Variants in TSHZ2 observed in about 807,000 individuals in gnomAD.
TSHZ2 encodes teashirt homolog 2.
TSHZ2 carries 21 observed loss-of-function variants against 74.4 expected under a neutral mutation model. That is an observed-to-expected ratio of 0.28 (90% CI 0.20 to 0.41). The LOEUF is 0.41. Among genes scored for constraint, TSHZ2 ranks in the 10% least tolerant of loss-of-function variants. The pLI, the probability that TSHZ2 is intolerant of heterozygous loss-of-function variation, is 1.00. For missense variants in TSHZ2, 1,244 were observed against 1,293.5 expected (o/e 0.96, Z 0.59); for synonymous variants, 540 against 515.3 (o/e 1.05, Z -0.65).
At position 53,384,752 on chromosome 20, in the gene TSHZ2, C is replaced by T. The variant is rs139394450; in HGVS notation, c.*9-102392C>T. Among the ~76,000 whole-genome samples the T allele has an allele frequency of 7.1e-3, 1,074 of 152,338 alleles. 11 individuals carry two copies. Among genetic ancestry groups the T allele is most frequent in the African/African-American group, 0.024 (998 of 41,570 alleles). The stretch of plus-strand genomic sequence containing the variant: ...TGGTACCTGCATTACTTAGTATCCT[C>T]AGTGGTTTTTTTAGACATCAATGGA... On this transcript the variant is annotated intron_variant, in intron 2 of 2. Coordinates refer to ENST00000371497, the MANE Select transcript of TSHZ2 (RefSeq NM_173485.6).
intron 2 of TSHZ2, among the ~76,000 whole-genome samples, chr20:53,283,848 A>G (rs576733753): frequency 3.3e-5 from 5 of 152,168 alleles, no homozygotes; most frequent in Non-Finnish European, 5.9e-5. Context: ...GATTAACCCT[A>G]TTTTTATCCA....
chr20:53,357,528 T>C (rs910893919), intron 2 of TSHZ2, among the ~76,000 whole-genome samples: 4 of 151,990 alleles, frequency 2.6e-5, no homozygotes, highest in Admixed American at 6.6e-5. Flanking sequence ...TAAAATTAAA[T>C]AAAATAACCC....
chr20:53,352,837 G>A (rs1180540899), intron 2 of TSHZ2, among the ~76,000 whole-genome samples: 1 of 151,542 alleles, frequency 6.6e-6, no homozygotes, highest in Non-Finnish European at 1.5e-5. Context: ...CTTCGGAGAG[G>A]AAAGAAAAAT....
chr20:53,103,511 C>G (rs1040935248), intron 1 of TSHZ2, among the ~76,000 whole-genome samples: 3 of 152,110 alleles, frequency 2.0e-5, no homozygotes, highest in Admixed American at 1.3e-4. Context: ...AATATTTTGT[C>G]TAATTTGTAG....
chr20:53,013,718 T>C (rs1333683845), intron 1 of TSHZ2, among the ~76,000 whole-genome samples: 1 of 152,188 alleles, frequency 6.6e-6, no homozygotes, highest in Non-Finnish European at 1.5e-5. Context: ...TGTGATAACT[T>C]ATAGTAAGTG....
At chr20:53,191,470 C>T (rs1184822355) in intron 1 of TSHZ2, among the ~76,000 whole-genome samples, 1 of 152,198 alleles carries the variant, frequency 6.6e-6, no homozygotes, top group Non-Finnish European at 1.5e-5. Flanking sequence ...TGAAACCAGC[C>T]TGGGCAACAT....
At chr20:53,427,087 C>T (rs1170348957) in intron 2 of TSHZ2, among the ~76,000 whole-genome samples, 6 of 152,140 alleles carry the variant, frequency 3.9e-5, no homozygotes, top group Non-Finnish European at 8.8e-5. Flanking sequence ...CCGTGAAGCT[C>T]GCCTGCCTTG....
chr20:53,199,509 T>A (rs1338889696), intron 1 of TSHZ2, among the ~76,000 whole-genome samples: 1 of 152,166 alleles, frequency 6.6e-6, no homozygotes, highest in East Asian at 1.9e-4. Flanking sequence ...TCAAGACACA[T>A]GAATATTGTC....
intron 1 of TSHZ2, among the ~76,000 whole-genome samples, chr20:53,025,793 G>C (rs1983416994): frequency 6.6e-6 from 1 of 152,214 alleles, no homozygotes; most frequent in Admixed American, 6.5e-5. Context: ...CCCAAAGGGA[G>C]ACTTACTAAA....
Position 53,126,761 on chromosome 20 carries a change from A to G in TSHZ2, c.41-126738A>G, listed in dbSNP as rs115551387. 9.6e-3 allele frequency among the ~76,000 whole-genome samples: 1,469 copies of G among 152,326 alleles called. 37 individuals carry two copies. The highest frequency in any genetic ancestry group is 0.033 in the African/African-American group (1,378 of 41,562). On this transcript the variant is annotated intron_variant, in intron 1 of 2. Coordinates refer to ENST00000371497, the MANE Select transcript of TSHZ2 (RefSeq NM_173485.6). ...AATATGACCAAAGCTGAAAGTCTAT[A>G]GCGCGAGGTAGTCATTTGCAACTAC... is the stretch of plus-strand genomic sequence containing the variant.
At chr20:53,463,976 C>T (rs976936287) in intron 2 of TSHZ2, among the ~76,000 whole-genome samples, 1 of 152,246 alleles carries the variant, frequency 6.6e-6, no homozygotes. Context: ...TTACCGCCAT[C>T]ATTGCCATCC....
Position 53,000,829 on chromosome 20 carries a change from G to A in TSHZ2, c.40+27496G>A, listed in dbSNP as rs553933718. 2.4e-4 allele frequency among the ~76,000 whole-genome samples: 37 copies of A among 152,224 alleles called. No individual in the cohort carries two copies. The South Asian group carries it at 2.5e-3, about 10-fold the overall frequency. Reference sequence around the variant, plus strand: ...TTGATCTCTTGAGGTCTCTTCCAGCGCTCTGATTCCATGAAAAGTTTCCTC... The same window carrying A: ...TTGATCTCTTGAGGTCTCTTCCAGCACTCTGATTCCATGAAAAGTTTCCTC... On this transcript the variant is annotated intron_variant, in intron 1 of 2. Transcript: ENST00000371497.
chr20:53,001,683 C>T (rs1409145563), intron 1 of TSHZ2, among the ~76,000 whole-genome samples: 2 of 152,226 alleles, frequency 1.3e-5, no homozygotes, highest in Admixed American at 1.3e-4. Context: ...TAAAGCCCCA[C>T]CTCGTCTTCT....
intron 1 of TSHZ2, among the ~76,000 whole-genome samples, chr20:53,059,379 A>G (rs1984747612): frequency 6.6e-6 from 1 of 152,226 alleles, no homozygotes; most frequent in Non-Finnish European, 1.5e-5. Flanking sequence ...CTATTGCAAC[A>G]TGGTGCTTTG....
Position 53,253,490 on chromosome 20 carries a change from C to T in TSHZ2, c.41-9C>T, listed in dbSNP as rs771466252. On this transcript the variant is annotated splice_polypyrimidine_tract_variant and intron_variant, in intron 1 of 2. Transcript: ENST00000371497. ...TACTGTCGTTTCATCTCTTCTTCTT[C>T]TCTTGCAGGCTACGCCCAGGAGGAA... 6.4e-7 allele frequency: 1 copy of T among 1,566,972 alleles called. No individual in the cohort carries two copies. Among genetic ancestry groups the T allele is most frequent in the South Asian group, 1.1e-5 (1 of 87,024 alleles).
chr20:53,219,842 A>G (rs1203117798), intron 1 of TSHZ2, among the ~76,000 whole-genome samples: 5 of 152,200 alleles, frequency 3.3e-5, no homozygotes, highest in African/African-American at 1.2e-4. Flanking sequence ...TTTTGTTTTT[A>G]AATATTCTGA....
At position 53,280,973 on chromosome 20, in the gene TSHZ2, G is replaced by C. The variant is rs1037505151; in HGVS notation, c.*8+24402G>C. On this transcript the variant is annotated intron_variant, in intron 2 of 2. Transcript: ENST00000371497. ...CCCAAAATGCTGGGATTACAGGCGTGAGCCACCACGCCCGGCCAGTCAGCA... is the reference window on the plus strand; with the variant it reads ...CCCAAAATGCTGGGATTACAGGCGTCAGCCACCACGCCCGGCCAGTCAGCA... Among the ~76,000 whole-genome samples, 15 of 152,282 alleles carry C rather than the reference G, an allele frequency of 9.9e-5. 1 individual carries two copies. The highest frequency in any genetic ancestry group is 3.9e-4 in the East Asian group (2 of 5,182).
At chr20:53,331,195 CTTTGCTCTG>C (rs1979708867) in intron 2 of TSHZ2, among the ~76,000 whole-genome samples, 1 of 152,244 alleles carries the variant, frequency 6.6e-6, no homozygotes, top group African/African-American at 2.4e-5. Context: ...AGTGATAAAG[CTTTGCTCTG>C]TTTTGTTTTT....
chr20:53,336,893 A>T (rs777458769), intron 2 of TSHZ2, among the ~76,000 whole-genome samples: 1 of 152,160 alleles, frequency 6.6e-6, no homozygotes, highest in Non-Finnish European at 1.5e-5. Flanking sequence ...GAGTAAATAC[A>T]TACAAGTGCA....
Sources: allele counts gnomAD v4.1 joint callset (sites outside exome capture counted in the v4.1 genomes callset), GRCh38; gene constraint gnomAD v4.1.1; transcripts MANE v1.5; gene names NCBI Gene and HGNC (gene_info 2026-07-23, HGNC 2026-07-21).